The following MYO6 variants were observed in gnomAD, a reference collection of about 807,000 sequenced individuals.
MYO6 encodes the protein unconventional myosin-VI.
MYO6 carries 74 observed loss-of-function variants against 178.7 expected under a neutral mutation model. The ratio of observed to expected loss-of-function variants is 0.41; its 90% CI spans 0.34 to 0.50. MYO6 has a LOEUF of 0.50. MYO6 is among the 20% of genes least tolerant of loss of function. The pLI is 0.09. For missense variants in MYO6, 1,330 were observed against 1,547.4 expected, an observed-to-expected ratio of 0.86 and a Z score of 2.36; for synonymous variants, 477 against 504.6, an observed-to-expected ratio of 0.95 and a Z score of 0.73.
intron 1 of MYO6, among the ~76,000 whole-genome samples, chr6:75,775,451 T>C (rs1766288402): frequency 6.6e-6 from 1 of 152,216 alleles, no homozygotes; most frequent in African/African-American, 2.4e-5. Flanking sequence ...ACTGTCCAAA[T>C]TGGAAATAAA....
In MYO6 at chr6:75,800,838, A is replaced by C. The variant is rs540629610; in HGVS notation, c.-47-16663A>C. 3.3e-5 allele frequency among the ~76,000 whole-genome samples: 5 copies of C among 152,286 alleles called. No individual in the cohort carries two copies. In the South Asian group the frequency reaches 1.0e-3, roughly 32 times the overall value. ...CAGGTTCAAGCAGTTCTCGTGTGTC[A>C]GCCACCTGAATAGCCGGAATTACAG... On this transcript the variant is annotated intron_variant, in intron 1 of 34. Transcript: ENST00000369977.
rs538268225 is a variant in MYO6, at chr6:75,794,894, A to G, written c.-47-22607A>G. On this transcript the variant is annotated intron_variant, in intron 1 of 34. Transcript: ENST00000369977. Reference sequence around the variant, plus strand: ...TTCATTGTGAACAACTAAACTGAAGAAAAAAAGGCTTAAGCCTTCAATGCA... The same window carrying G: ...TTCATTGTGAACAACTAAACTGAAGGAAAAAAGGCTTAAGCCTTCAATGCA... Among the ~76,000 whole-genome samples, 12 of 152,094 alleles carry G rather than the reference A, an allele frequency of 7.9e-5. No individual in the cohort carries two copies. In the South Asian group the frequency reaches 2.5e-3, roughly 32 times the overall value.
At chr6:75,791,090 G>A (rs1768186524) in intron 1 of MYO6, among the ~76,000 whole-genome samples, 1 of 152,020 alleles carries the variant, frequency 6.6e-6, no homozygotes, top group Non-Finnish European at 1.5e-5. Flanking sequence ...CTGCCACCAC[G>A]CCTGGCTAGT....
intron 14 of MYO6, among the ~76,000 whole-genome samples, chr6:75,859,616 A>G (rs1460391868): frequency 1.4e-5 from 2 of 146,774 alleles, no homozygotes; most frequent in Non-Finnish European, 3.0e-5. Context: ...CTCTACTTCT[A>G]CCACACCAAA....
chr6:75,878,292 A>G lies in MYO6; in HGVS notation c.2078-1528A>G, dbSNP rs80276381. On this transcript the variant is annotated intron_variant, in intron 20 of 34. Transcript: ENST00000369977. The stretch of plus-strand genomic sequence containing the variant: ...CCATCATATGGTTGTAACATAATCA[A>G]TTGAGATTTTAGTTTTTTTCTGGTT... Among the ~76,000 whole-genome samples the G allele has an allele frequency of 3.3e-3, 502 of 152,268 alleles. 10 individuals carry two copies. Among genetic ancestry groups the G allele is most frequent in the Admixed American group, 0.027 (410 of 15,298 alleles).
chr6:75,907,271 T>C (rs1780402555), intron 30 of MYO6, among the ~76,000 whole-genome samples: 2 of 152,240 alleles, frequency 1.3e-5, no homozygotes, highest in Non-Finnish European at 2.9e-5. Context: ...TTGAGGAATA[T>C]ATGTCAGTAT....
intron 11 of MYO6, 113 bp from the exon 12 acceptor site, chr6:75,855,026 A>G: frequency 1.1e-6 from 1 of 928,368 alleles, no homozygotes; most frequent in Non-Finnish European, 1.7e-6. Flanking sequence ...GTTACAAATA[A>G]GCCTTGCCTA....
intron 17 of MYO6, 35 bp from the exon 18 acceptor site, chr6:75,866,897 T>C (rs1776750911): frequency 6.2e-7 from 1 of 1,605,024 alleles, no homozygotes; most frequent in South Asian, 1.1e-5. Flanking sequence ...TATCACAAGA[T>C]GGACAGAAAC....
At chr6:75,753,455 G>GTGTGTGTGTGTGTGTGTATATATATA (rs370647728) in intron 1 of MYO6, among the ~76,000 whole-genome samples, 1 of 140,040 alleles carries the variant, frequency 7.1e-6, no homozygotes, top group African/African-American at 2.7e-5. Flanking sequence ...GTGTGTGTGT[G>GTGTGTGTGTGTGTGTGTATATATATA]TATATATATA....
intron 3 of MYO6, among the ~76,000 whole-genome samples, chr6:75,824,174 T>G (rs887397827): frequency 6.6e-6 from 1 of 152,248 alleles, no homozygotes; most frequent in Non-Finnish European, 1.5e-5. Context: ...TTTTAATCCA[T>G]TTCTTAAATT....
intron 1 of MYO6, among the ~76,000 whole-genome samples, chr6:75,749,738 C>T (rs948256683): frequency 2.6e-5 from 4 of 152,060 alleles, no homozygotes; most frequent in Non-Finnish European, 4.4e-5. Flanking sequence ...TTGGACACTC[C>T]GTGATAGTTT....
At chr6:75,774,111 A>G (rs1213544535) in intron 1 of MYO6, among the ~76,000 whole-genome samples, 1 of 152,190 alleles carries the variant, frequency 6.6e-6, no homozygotes, top group African/African-American at 2.4e-5. Flanking sequence ...AGCCCCACTT[A>G]ATAATTGCTT....
Position 75,918,600 on chromosome 6 carries a change from G to GC in MYO6, c.*3590dup, listed in dbSNP as rs1412584128. On this transcript the variant is annotated 3_prime_UTR_variant, in exon 35 of 35. Transcript: ENST00000369977. ...CAGTAAATAGGCATTCTGTACATAAGCCTCATGGAAGGGTAAGATGGAGAG... is the reference window on the plus strand; with the variant it reads ...CAGTAAATAGGCATTCTGTACATAAGCCCTCATGGAAGGGTAAGATGGAGAG... The GC allele has an allele frequency of 1.3e-5, 2 of 152,364 alleles. No individual in the cohort carries two copies. Among genetic ancestry groups the GC allele is most frequent in the Non-Finnish European group, 1.5e-5 (1 of 68,050 alleles). 9.4% of individuals were successfully genotyped at this position (152,364 alleles called of 1,614,324 possible).
At chr6:75,798,278 A>C (rs899424434) in intron 1 of MYO6, among the ~76,000 whole-genome samples, 1 of 152,112 alleles carries the variant, frequency 6.6e-6, no homozygotes, top group Non-Finnish European at 1.5e-5. Context: ...ACTTTGTCAA[A>C]AATCAGATGG....
At chr6:75,786,004 C>T (rs1413999762) in intron 1 of MYO6, among the ~76,000 whole-genome samples, 2 of 151,994 alleles carry the variant, frequency 1.3e-5, no homozygotes, top group African/African-American at 4.8e-5. Context: ...CAACCTCTGC[C>T]TCCCAGGTTC....
At chr6:75,786,114 A>G (rs1482717800) in intron 1 of MYO6, among the ~76,000 whole-genome samples, 2 of 151,864 alleles carry the variant, frequency 1.3e-5, no homozygotes, top group Non-Finnish European at 2.9e-5. Flanking sequence ...TTTAGTAGAG[A>G]CAGGGTTTCA....
chr6:75,845,383 T>A (rs1188608262), intron 10 of MYO6, among the ~76,000 whole-genome samples: 1 of 152,192 alleles, frequency 6.6e-6, no homozygotes, highest in Admixed American at 6.5e-5. Flanking sequence ...GTAAATAGAT[T>A]AAGCGTTCTT....
At chr6:75,757,189 TA>T (rs1162751585) in intron 1 of MYO6, among the ~76,000 whole-genome samples, 1 of 147,626 alleles carries the variant, frequency 6.8e-6, no homozygotes, top group Non-Finnish European at 1.5e-5. Flanking sequence ...TATACACACA[TA>T]TATTGTGTAT....
chr6:75,780,877 G>A lies in MYO6; in HGVS notation c.-48+31454G>A, dbSNP rs564208763. Among the ~76,000 whole-genome samples, 5 of 151,066 alleles carry A rather than the reference G, an allele frequency of 3.3e-5. No individual in the cohort carries two copies. The South Asian group carries it at 6.3e-4, about 19-fold the overall frequency. ...GGCTAGAGTGCAGTGGCTTGATCTCGGCTCACTGCAACCTCCGCCTCCCAG... is the reference window on the plus strand; with the variant it reads ...GGCTAGAGTGCAGTGGCTTGATCTCAGCTCACTGCAACCTCCGCCTCCCAG... On this transcript the variant is annotated intron_variant, in intron 1 of 34. Transcript: ENST00000369977.
Sources: gnomAD v4.1 joint callset for allele counts (sites outside exome capture counted in the v4.1 genomes callset) on GRCh38, gnomAD v4.1.1 for gene constraint, MANE v1.5 for transcripts, NCBI Gene and HGNC (gene_info 2026-07-23, HGNC 2026-07-21) for gene names.